Variants in KIAA0930 observed in about 807,000 individuals in gnomAD.
The protein encoded by KIAA0930 is uncharacterized protein KIAA0930.
In KIAA0930, 24 loss-of-function variants were observed where a neutral mutation model predicts 43.9. That is an observed-to-expected ratio of 0.55 (90% CI 0.40 to 0.77). The LOEUF is 0.77. KIAA0930 is among the 30% of genes least tolerant of loss of function. The pLI, the probability that KIAA0930 is intolerant of heterozygous loss-of-function variation, is 0.00. For missense variants in KIAA0930, 461 were observed against 574.2 expected (o/e 0.80, Z 2.02); for synonymous variants, 259 against 216.4 (o/e 1.20, Z -1.73).
chr22:45,233,378 G>A (rs945826050), intron 1 of KIAA0930, among the ~76,000 whole-genome samples: 1 of 152,264 alleles, frequency 6.6e-6, no homozygotes, highest in East Asian at 1.9e-4. Context: ...CAAGTGGAAC[G>A]GGTAAGCACA....
At chr22:45,224,862 C>T (rs1299370051) in intron 1 of KIAA0930, among the ~76,000 whole-genome samples, 3 of 152,144 alleles carry the variant, frequency 2.0e-5, no homozygotes, top group Non-Finnish European at 4.4e-5. Context: ...GGGCCCTCTT[C>T]CCTGGGTCAG....
intron 2 of KIAA0930, chr22:45,207,901 G>A (rs2083653257): frequency 5.9e-6 from 1 of 169,030 alleles, no homozygotes. Context: ...TGAGAGTCCT[G>A]GGGTTCACAA....
At chr22:45,227,269 C>G (rs1440584637) in intron 1 of KIAA0930, among the ~76,000 whole-genome samples, 1 of 152,182 alleles carries the variant, frequency 6.6e-6, no homozygotes, top group African/African-American at 2.4e-5. Context: ...GTCCCCTGCT[C>G]GATCTCATGC....
chr22:45,226,554 C>T (rs1035288195), intron 1 of KIAA0930, among the ~76,000 whole-genome samples: 3 of 152,116 alleles, frequency 2.0e-5, no homozygotes, highest in Non-Finnish European at 2.9e-5. Context: ...CCCGACCCCA[C>T]AGCTGTTTCC....
chr22:45,201,390 C>A (rs1277430267), intron 7 of KIAA0930, among the ~76,000 whole-genome samples: 2 of 152,196 alleles, frequency 1.3e-5, no homozygotes, highest in East Asian at 3.9e-4. Context: ...GACTTTCACA[C>A]CCCTCACAGC....
chr22:45,197,656 G>A lies in KIAA0930; in HGVS notation c.1174+134C>T, dbSNP rs563568239. On this transcript the variant is annotated intron_variant, in intron 9 of 9. Coordinates refer to ENST00000336156, the MANE Select transcript of KIAA0930 (RefSeq NM_001009880.2). ...CCAAAGTCTGAGACAAAGAGGCCAA[G>A]AGCCCTGCAAAGAAACCCAACCAAC... 180 of 855,466 alleles carry A rather than the reference G, an allele frequency of 2.1e-4. No homozygotes were observed. In the African/African-American group the frequency reaches 2.6e-3, roughly 12 times the overall value. 53.0% of individuals were successfully genotyped at this position (855,466 alleles called of 1,614,324 possible). A position where few individuals can be genotyped will look rare whatever the true frequency, so the allele number is the denominator to read the frequency against.
chr22:45,197,123 C>G lies in KIAA0930; in HGVS notation c.*53G>C. On this transcript the variant is annotated 3_prime_UTR_variant, in exon 10 of 10. Transcript: ENST00000336156. Reference sequence around the variant, plus strand: ...TGGCGGTGGACAGGTAGGCACTTGGCAGCACTCCGAGGGCTGGGCCCGGCC... The same window carrying G: ...TGGCGGTGGACAGGTAGGCACTTGGGAGCACTCCGAGGGCTGGGCCCGGCC... 1.4e-6 allele frequency: 2 copies of G among 1,461,118 alleles called. No individual in the cohort carries two copies. The highest frequency in any genetic ancestry group is 1.8e-6 in the Non-Finnish European group (2 of 1,086,782). 90.5% of individuals were successfully genotyped at this position (1,461,118 alleles called of 1,614,324 possible).
rs1478620067 is a variant in KIAA0930 at position 45,196,147 on chromosome 22, G to T, written c.*1029C>A. 6.6e-6 allele frequency: 1 copy of T among 152,278 alleles called. No individual in the cohort carries two copies. Among genetic ancestry groups the T allele is most frequent in the East Asian group, 1.9e-4 (1 of 5,186 alleles). The allele number at this position is 152,278 out of a possible 1,614,324, so 9.4% of individuals were successfully genotyped here. A position where few individuals can be genotyped will look rare whatever the true frequency, so the allele number is the denominator to read the frequency against. ...GCCTTCATGCTGGACCAGGCCGAGG[G>T]CAGGCCTGGGGCTGGGCAGCTGCTC... On this transcript the variant is annotated 3_prime_UTR_variant, in exon 10 of 10. Coordinates refer to ENST00000336156, the MANE Select transcript of KIAA0930 (RefSeq NM_001009880.2). The surrounding 1 kb of genome is among the most constrained non-coding windows in gnomAD (Gnocchi z 4.1).
At chr22:45,210,939 G>T (rs1251284643) in intron 2 of KIAA0930, among the ~76,000 whole-genome samples, 2 of 152,150 alleles carry the variant, frequency 1.3e-5, no homozygotes, top group African/African-American at 4.8e-5. Context: ...CTCCCCTCTT[G>T]GGGTGCCCTC....
At chr22:45,229,714 T>A (rs1483511112) in intron 1 of KIAA0930, among the ~76,000 whole-genome samples, 3 of 152,202 alleles carry the variant, frequency 2.0e-5, no homozygotes, top group Admixed American at 6.5e-5. Flanking sequence ...CCAACAAGTC[T>A]TACGGCTGGG....
At chr22:45,237,366 CCT>C (rs34701883) in intron 1 of KIAA0930, among the ~76,000 whole-genome samples, 2,813 of 152,372 alleles carry the variant, frequency 0.018, 27 homozygotes, top group South Asian at 0.029. Context: ...ACTCCCGCCC[CCT>C]CTCAGTACAG....
rs1391395689 is a variant in KIAA0930 at position 45,193,580 on chromosome 22, C to T, written c.*3596G>A. On this transcript the variant is annotated 3_prime_UTR_variant, in exon 10 of 10. Coordinates refer to ENST00000336156, the MANE Select transcript of KIAA0930 (RefSeq NM_001009880.2). ...TGCATTTATACCCTTCCTGTGACTC[C>T]GTGTAGAGGGAAGACTAACTCACAG... 2 of 152,130 alleles carry T rather than the reference C, an allele frequency of 1.3e-5. No individual in the cohort carries two copies. Among genetic ancestry groups the T allele is most frequent in the African/African-American group, 2.4e-5 (1 of 41,412 alleles). The allele number at this position is 152,130 out of a possible 1,614,324, so 9.4% of individuals were successfully genotyped here.
intron 1 of KIAA0930, 83 bp from the exon 2 acceptor site, chr22:45,212,190 C>A (rs1179189179): frequency 4.3e-6 from 7 of 1,612,952 alleles, no homozygotes; most frequent in Admixed American, 1.7e-5. Flanking sequence ...TGCGCCCATA[C>A]CCCCACATTT....
rs148446143 is a variant in KIAA0930 at position 45,192,244 on chromosome 22, C to G, written c.*4932G>C. The G allele has an allele frequency of 6.6e-6, 1 of 151,532 alleles. No homozygotes were observed. Among genetic ancestry groups the G allele is most frequent in the South Asian group, 2.1e-4 (1 of 4,812 alleles). The allele number at this position is 151,532 out of a possible 1,614,324, so 9.4% of individuals were successfully genotyped here. A position where few individuals can be genotyped will look rare whatever the true frequency, so the allele number is the denominator to read the frequency against. On this transcript the variant is annotated 3_prime_UTR_variant, in exon 10 of 10. Coordinates refer to ENST00000336156, the MANE Select transcript of KIAA0930 (RefSeq NM_001009880.2). Reference sequence around the variant, plus strand: ...ATTACAGAAAAAGATTAGAGGAAGACACAGAAAAAAAAAATTTAATATTCA... The same window carrying G: ...ATTACAGAAAAAGATTAGAGGAAGAGACAGAAAAAAAAAATTTAATATTCA...
intron 2 of KIAA0930, among the ~76,000 whole-genome samples, chr22:45,211,002 C>T (rs922099866): frequency 6.6e-6 from 1 of 152,218 alleles, no homozygotes; most frequent in Non-Finnish European, 1.5e-5. Flanking sequence ...TGGTCTCCTG[C>T]TGGTCCCTCC....
chr22:45,227,908 A>G (rs1328969771), intron 1 of KIAA0930, among the ~76,000 whole-genome samples: 1 of 152,188 alleles, frequency 6.6e-6, no homozygotes, highest in African/African-American at 2.4e-5. Context: ...ACGAGCTCCC[A>G]CTGTGTGCGG....
Position 45,240,627 on chromosome 22 carries a change from G to T in KIAA0930, c.64+13C>A. 6.6e-7 allele frequency: 1 copy of T among 1,520,232 alleles called. No individual in the cohort carries two copies. The highest frequency in any genetic ancestry group is 8.8e-7 in the Non-Finnish European group (1 of 1,137,592). 94.2% of individuals were successfully genotyped at this position (1,520,232 alleles called of 1,614,324 possible). A position where few individuals can be genotyped will look rare whatever the true frequency, so the allele number is the denominator to read the frequency against. On this transcript the variant is annotated intron_variant, in intron 1 of 9. Coordinates refer to ENST00000336156, the MANE Select transcript of KIAA0930 (RefSeq NM_001009880.2). Reference sequence around the variant, plus strand: ...CCTCTCCCGGCCCGGCCTCGCCCCCGGGTCCCACTCACCGAGGCCGCAGAC... The same window carrying T: ...CCTCTCCCGGCCCGGCCTCGCCCCCTGGTCCCACTCACCGAGGCCGCAGAC...
chr22:45,220,189 A>T (rs1278749325), intron 1 of KIAA0930, among the ~76,000 whole-genome samples: 1 of 152,180 alleles, frequency 6.6e-6, no homozygotes, highest in African/African-American at 2.4e-5. Flanking sequence ...TCAGAGGCTC[A>T]CGTCTGTAAT....
intron 1 of KIAA0930, among the ~76,000 whole-genome samples, chr22:45,229,281 C>T (rs1310945509): frequency 9.0e-6 from 1 of 111,140 alleles, no homozygotes; most frequent in Non-Finnish European, 1.9e-5. Flanking sequence ...CCCTCTCCAC[C>T]CCCGCCATCA....
Sources: allele counts gnomAD v4.1 joint callset (sites outside exome capture counted in the v4.1 genomes callset), GRCh38; gene constraint gnomAD v4.1.1; non-coding constraint Gnocchi (gnomAD v3.1); transcripts MANE v1.5; gene names NCBI Gene and HGNC (gene_info 2026-07-23, HGNC 2026-07-21).